FYB1: variants seen among roughly 807,000 people sequenced by gnomAD.
FYB1 encodes FYN binding protein 1.
FYB1 carries 41 observed loss-of-function variants against 94.1 expected under a neutral mutation model. That is an observed-to-expected ratio of 0.44 (90% CI 0.34 to 0.57). The LOEUF is 0.57. Ranked by LOEUF, FYB1 falls within the 20% of genes least tolerant of loss-of-function variation. FYB1 has a pLI of 0.02. For missense variants in FYB1, 1,050 were observed against 976.8 expected, an observed-to-expected ratio of 1.07 and a Z score of -1.00; for synonymous variants, 367 against 353.2, an observed-to-expected ratio of 1.04 and a Z score of -0.44.
intron 1 of FYB1, among the ~76,000 whole-genome samples, chr5:39,207,705 T>G: frequency 6.6e-6 from 1 of 152,232 alleles, no homozygotes. Flanking sequence ...TTTAGTTTTA[T>G]TGTTATATTA....
upstream of FYB1, among the ~76,000 whole-genome samples, chr5:39,223,701 A>C (rs1264423048): frequency 1.3e-5 from 2 of 152,190 alleles, no homozygotes. Flanking sequence ...GGACGTAAAA[A>C]CTAGGTTTCC....
intron 2 of FYB1, 50 bp from the exon 3 acceptor site, chr5:39,153,654 G>A (rs558135697): frequency 1.3e-6 from 2 of 1,533,072 alleles, no homozygotes; most frequent in South Asian, 2.5e-5. Context: ...TCTTCAAAAA[G>A]AAGATTGTTA....
At chr5:39,236,343 A>G (rs1750965110) in intron 1 of FYB1, among the ~76,000 whole-genome samples, 1 of 152,130 alleles carries the variant, frequency 6.6e-6, no homozygotes, top group Admixed American at 6.6e-5. Flanking sequence ...GAGGTTTTTG[A>G]TAATATAATA....
rs540584335 is a variant in FYB1, at chr5:39,251,708, T to G, written c.-28+22695A>C. The stretch of plus-strand genomic sequence containing the variant: ...ATTTAAGAACTAAGTAAAATTATTA[T>G]AAAGTTTACTTATTTATACATGGAT... On this transcript the variant is annotated intron_variant, in intron 1 of 1. Transcript: ENST00000510188. Among the ~76,000 whole-genome samples, 7 of 152,234 alleles carry G rather than the reference T, an allele frequency of 4.6e-5. No homozygotes were observed. In the South Asian group the frequency reaches 1.2e-3, roughly 27 times the overall value.
chr5:39,213,462 G>T (rs1027495711), intron 1 of FYB1, among the ~76,000 whole-genome samples: 1 of 152,138 alleles, frequency 6.6e-6, no homozygotes, highest in African/African-American at 2.4e-5. Flanking sequence ...CATTGCAAGG[G>T]ATGTGATAAC....
intron 2 of FYB1, among the ~76,000 whole-genome samples, chr5:39,181,731 C>G (rs1746255244): frequency 6.6e-6 from 1 of 152,156 alleles, no homozygotes; most frequent in South Asian, 2.1e-4. Flanking sequence ...TCCTTGACAC[C>G]TACTCATTCT....
intron 1 of FYB1, among the ~76,000 whole-genome samples, chr5:39,248,697 C>T (rs966493697): frequency 1.3e-5 from 2 of 152,042 alleles, no homozygotes; most frequent in Non-Finnish European, 2.9e-5. Context: ...ATTAGCTGGG[C>T]ATGATGGTGC....
chr5:39,184,422 G>A (rs1746555249), intron 2 of FYB1, among the ~76,000 whole-genome samples: 1 of 152,116 alleles, frequency 6.6e-6, no homozygotes, highest in Non-Finnish European at 1.5e-5. Flanking sequence ...TTACTACAAT[G>A]TGCAATTTTG....
At chr5:39,213,246 A>G (rs532841997) in intron 1 of FYB1, among the ~76,000 whole-genome samples, 1 of 152,320 alleles carries the variant, frequency 6.6e-6, no homozygotes, top group Non-Finnish European at 1.5e-5. Flanking sequence ...AGCAAGTGGT[A>G]GGATGAGAAC....
At chr5:39,243,763 C>T (rs1751331161) in intron 1 of FYB1, among the ~76,000 whole-genome samples, 1 of 152,170 alleles carries the variant, frequency 6.6e-6, no homozygotes, top group Non-Finnish European at 1.5e-5. Context: ...TTGATTCTTC[C>T]TATCCATGAG....
intron 3 of FYB1, among the ~76,000 whole-genome samples, chr5:39,152,122 G>T (rs1232163503): frequency 6.6e-6 from 1 of 151,984 alleles, no homozygotes; most frequent in Admixed American, 6.6e-5. Flanking sequence ...TATCATGGAG[G>T]ATTAGAGGCT....
intron 3 of FYB1, 118 bp downstream of exon 3, chr5:39,153,330 C>T: frequency 7.9e-7 from 1 of 1,261,342 alleles, no homozygotes; most frequent in Non-Finnish European, 1.1e-6. Context: ...TCCCTGCCAG[C>T]TGCCCACTTT....
intron 1 of FYB1, among the ~76,000 whole-genome samples, chr5:39,213,220 G>T (rs1488395354): frequency 6.6e-6 from 1 of 152,070 alleles, no homozygotes; most frequent in African/African-American, 2.4e-5. Flanking sequence ...ACCTTAAACT[G>T]AGTCACCTAA....
intron 1 of FYB1, among the ~76,000 whole-genome samples, chr5:39,274,155 C>T (rs968893863): frequency 6.6e-6 from 1 of 152,138 alleles, no homozygotes; most frequent in African/African-American, 2.4e-5. Context: ...GAACTCCTTA[C>T]CTTATGATCC....
chr5:39,113,456 T>C (rs1211812625), intron 16 of FYB1, among the ~76,000 whole-genome samples: 3 of 152,120 alleles, frequency 2.0e-5, no homozygotes, highest in African/African-American at 7.2e-5. Context: ...TTTTGAAATA[T>C]GTGGTGGGGT....
chr5:39,165,245 C>A (rs1034481602), intron 2 of FYB1, among the ~76,000 whole-genome samples: 1 of 152,106 alleles, frequency 6.6e-6, no homozygotes, highest in Non-Finnish European at 1.5e-5. Flanking sequence ...AATTATACGA[C>A]AAGGCTATAG....
intron 1 of FYB1, among the ~76,000 whole-genome samples, chr5:39,239,515 A>C (rs934530374): frequency 2.0e-5 from 3 of 152,208 alleles, no homozygotes; most frequent in African/African-American, 7.2e-5. Flanking sequence ...ATACACCAAC[A>C]ACATCTAAGC....
intron 1 of FYB1, among the ~76,000 whole-genome samples, chr5:39,261,819 A>G (rs1398095331): frequency 6.6e-6 from 1 of 152,210 alleles, no homozygotes; most frequent in Non-Finnish European, 1.5e-5. Flanking sequence ...TCAGTGTAAC[A>G]GAGTTGGAAG....
At chr5:39,249,296 G>T (rs1751617346) in intron 1 of FYB1, among the ~76,000 whole-genome samples, 1 of 152,258 alleles carries the variant, frequency 6.6e-6, no homozygotes, top group East Asian at 1.9e-4. Flanking sequence ...TTCTGTAAGG[G>T]GCCTGATAGT....
Sources: allele counts gnomAD v4.1 joint callset (sites outside exome capture counted in the v4.1 genomes callset), GRCh38; gene constraint gnomAD v4.1.1; transcripts MANE v1.5; gene names NCBI Gene and HGNC (gene_info 2026-07-23, HGNC 2026-07-21).